The following LRP1B variants were observed in gnomAD, a reference collection of about 807,000 sequenced individuals.
LRP1B encodes LDL receptor related protein 1B.
Under a neutral mutation model 556.6 loss-of-function variants are expected in LRP1B, and 217 were observed. The ratio of observed to expected loss-of-function variants is 0.39; its 90% CI spans 0.35 to 0.44. The LOEUF is 0.44. LRP1B is among the 20% of genes least tolerant of loss of function. The pLI, the probability that LRP1B is intolerant of heterozygous loss-of-function variation, is 1.00. For synonymous variants in LRP1B, 2,047 were observed against 1,865.8 expected (o/e 1.10, Z -2.50); for missense variants, 5,053 against 5,620.8 (o/e 0.90, Z 3.23).
At chr2:142,045,391 G>T (rs185341267) in intron 1 of LRP1B, among the ~76,000 whole-genome samples, 1 of 151,740 alleles carries the variant, frequency 6.6e-6, no homozygotes, top group Non-Finnish European at 1.5e-5. Flanking sequence ...TTCTCATACC[G>T]ATTGCAAATA....
In LRP1B at chr2:140,376,702, G is replaced by T. The variant is rs192624108; in HGVS notation, c.10638+1478C>A. Among the ~76,000 whole-genome samples the T allele has an allele frequency of 3.9e-5, 6 of 152,328 alleles. No individual in the cohort carries two copies. In the East Asian group the frequency reaches 9.6e-4, roughly 24 times the overall value. On this transcript the variant is annotated intron_variant, in intron 68 of 90. Coordinates refer to ENST00000389484, the MANE Select transcript of LRP1B (RefSeq NM_018557.3). ...TTAGGTTTTGCTAGCCCTCAGGCGA[G>T]AAATTACATGTGTTTGTTTTCAAAA...
At chr2:141,170,729 T>C in intron 7 of LRP1B, among the ~76,000 whole-genome samples, 1 of 152,104 alleles carries the variant, frequency 6.6e-6, no homozygotes, top group Non-Finnish European at 1.5e-5. Context: ...GAGTTAAGAT[T>C]ACTTTCTAAA....
intron 58 of LRP1B, among the ~76,000 whole-genome samples, chr2:140,486,600 A>T (rs1211258504): frequency 2.0e-5 from 3 of 151,912 alleles, no homozygotes; most frequent in Non-Finnish European, 2.9e-5. Context: ...TTAAAAAAAT[A>T]TAAAGGTAAT....
chr2:140,464,356 T>C (rs1325415912), intron 60 of LRP1B, among the ~76,000 whole-genome samples: 1 of 152,154 alleles, frequency 6.6e-6, no homozygotes, highest in African/African-American at 2.4e-5. Context: ...TAATATGTAC[T>C]CTCCATATAG....
intron 46 of LRP1B, among the ~76,000 whole-genome samples, chr2:140,536,311 TAAAAAAAAAAAA>T (rs70988404): frequency 5.2e-4 from 32 of 61,898 alleles, no homozygotes; most frequent in African/African-American, 1.7e-3. Flanking sequence ...CCCGTCTCTT[TAAAAAAAAAAAA>T]AAAAAAAAAA....
At chr2:141,798,534 C>T (rs1470432549) in intron 2 of LRP1B, among the ~76,000 whole-genome samples, 1 of 151,662 alleles carries the variant, frequency 6.6e-6, no homozygotes, top group East Asian at 1.9e-4. Context: ...TGATGAAACC[C>T]CGTCTCTACT....
chr2:141,825,228 C>G (rs913683257), intron 1 of LRP1B, among the ~76,000 whole-genome samples: 1 of 152,100 alleles, frequency 6.6e-6, no homozygotes, highest in African/African-American at 2.4e-5. Context: ...TTATTTACAG[C>G]TTTGTGAATA....
intron 84 of LRP1B, among the ~76,000 whole-genome samples, chr2:140,295,857 T>C (rs1203113947): frequency 2.0e-5 from 3 of 152,142 alleles, no homozygotes. Flanking sequence ...TGAGAATAGA[T>C]ACTTTGGGGC....
intron 31 of LRP1B, among the ~76,000 whole-genome samples, chr2:140,824,614 T>A (rs1453982132): frequency 6.6e-6 from 1 of 152,128 alleles, no homozygotes; most frequent in African/African-American, 2.4e-5. Context: ...TGTACTTACA[T>A]AGCAACCCAG....
intron 2 of LRP1B, among the ~76,000 whole-genome samples, chr2:141,751,523 A>T (rs1156923475): frequency 6.6e-6 from 1 of 152,124 alleles, no homozygotes; most frequent in East Asian, 1.9e-4. Flanking sequence ...TATGAGTGAC[A>T]ACTGTGCTGA....
Position 141,597,024 on chromosome 2 carries a change from T to C in LRP1B, c.206-116491A>G, listed in dbSNP as rs527906006. On this transcript the variant is annotated intron_variant, in intron 2 of 90. Transcript: ENST00000389484. ...ACGTGTGTGTGTGCATATATATACATACACGCACAAACACATAAGTTCTGA... is the reference window on the plus strand; with the variant it reads ...ACGTGTGTGTGTGCATATATATACACACACGCACAAACACATAAGTTCTGA... 2.0e-5 allele frequency among the ~76,000 whole-genome samples: 3 copies of C among 150,036 alleles called. No homozygotes were observed. In the East Asian group the frequency reaches 5.9e-4, roughly 29 times the overall value.
intron 6 of LRP1B, among the ~76,000 whole-genome samples, chr2:141,212,399 C>T (rs1364773220): frequency 6.6e-6 from 1 of 150,482 alleles, no homozygotes; most frequent in African/African-American, 2.4e-5. Context: ...CTGCCTCAGC[C>T]TCCCAAGTAG....
intron 43 of LRP1B, among the ~76,000 whole-genome samples, chr2:140,587,506 C>T (rs745497904): frequency 6.6e-6 from 1 of 152,040 alleles, no homozygotes; most frequent in African/African-American, 2.4e-5. Flanking sequence ...TGAGCTCACA[C>T]GTGGTATCTA....
chr2:142,115,831 A>T (rs866554512), intron 1 of LRP1B, among the ~76,000 whole-genome samples: 627 of 6,082 alleles, frequency 0.1, 286 homozygotes, highest in East Asian at 0.25. Context: ...AATATATATC[A>T]TATATATGTA....
At chr2:141,306,494 G>A (rs908783301) in intron 3 of LRP1B, among the ~76,000 whole-genome samples, 5 of 151,970 alleles carry the variant, frequency 3.3e-5, no homozygotes, top group African/African-American at 1.2e-4. Context: ...TTTGATATCT[G>A]ATTTTGTTAA....
chr2:140,597,065 A>C (rs557220337), intron 43 of LRP1B, among the ~76,000 whole-genome samples: 2 of 152,290 alleles, frequency 1.3e-5, no homozygotes, highest in East Asian at 3.9e-4. Flanking sequence ...TCATTTTATT[A>C]ACAAAAATAT....
At chr2:140,851,290 G>A (rs770778022) in intron 28 of LRP1B, among the ~76,000 whole-genome samples, 12 of 151,972 alleles carry the variant, frequency 7.9e-5, no homozygotes, top group Middle Eastern at 3.4e-3. Flanking sequence ...GCTGTTAAGC[G>A]CCTCTTTGTT....
At chr2:140,629,731 G>GAC (rs1257038232) in intron 41 of LRP1B, among the ~76,000 whole-genome samples, 1 of 152,168 alleles carries the variant, frequency 6.6e-6, no homozygotes, top group African/African-American at 2.4e-5. Context: ...ATCATACAAA[G>GAC]ACACACATAT....
intron 3 of LRP1B, among the ~76,000 whole-genome samples, chr2:141,347,695 T>A (rs1023591584): frequency 1.3e-5 from 2 of 151,954 alleles, no homozygotes; most frequent in African/African-American, 2.4e-5. Context: ...AAAGTAGCAG[T>A]ACCCTAGAAT....
Sources: gnomAD v4.1 joint callset for allele counts (sites outside exome capture counted in the v4.1 genomes callset) on GRCh38, gnomAD v4.1.1 for gene constraint, MANE v1.5 for transcripts, NCBI Gene and HGNC (gene_info 2026-07-23, HGNC 2026-07-21) for gene names.